The following CPED1 variants were observed in gnomAD, a reference collection of about 807,000 sequenced individuals.
CPED1 encodes the protein cadherin-like and PC-esterase domain-containing protein 1.
A neutral mutation model predicts 128.2 loss-of-function variants in CPED1; 114 were observed. The ratio of observed to expected loss-of-function variants is 0.89; its 90% confidence interval spans 0.76 to 1.04. The LOEUF is 1.04. Among genes scored for constraint, CPED1 ranks in the 50% least tolerant of loss-of-function variants. The pLI, the probability that CPED1 is intolerant of heterozygous loss-of-function variation, is 0.00. For missense variants in CPED1, 1,211 were observed against 1,207.1 expected (o/e 1.00, Z -0.05); for synonymous variants, 462 against 426.7 (o/e 1.08, Z -1.02).
chr7:121,265,823 T>C (rs1173031290), intron 18 of CPED1, among the ~76,000 whole-genome samples: 1 of 150,558 alleles, frequency 6.6e-6, no homozygotes, highest in Non-Finnish European at 1.5e-5. Context: ...GCTACCTCTG[T>C]GAATTCTCTG....
chr7:121,044,868 C>T (rs973178034), intron 3 of CPED1, among the ~76,000 whole-genome samples: 1 of 151,964 alleles, frequency 6.6e-6, no homozygotes, highest in African/African-American at 2.4e-5. Context: ...GAATATAAAA[C>T]TTACTCTGAG....
intron 16 of CPED1, among the ~76,000 whole-genome samples, chr7:121,212,233 C>T (rs143241375): frequency 3.2e-4 from 48 of 152,132 alleles, no homozygotes; most frequent in East Asian, 1.7e-3. Context: ...CAAAACCCAT[C>T]GTCAATCTGT....
intron 16 of CPED1, among the ~76,000 whole-genome samples, chr7:121,150,221 C>T (rs973381593): frequency 3.3e-5 from 5 of 150,484 alleles, no homozygotes; most frequent in African/African-American, 1.2e-4. Context: ...TCTCCCCCAT[C>T]TAGTATTGTC....
intron 15 of CPED1, among the ~76,000 whole-genome samples, chr7:121,141,597 A>G (rs569965195): frequency 6.6e-6 from 1 of 152,162 alleles, no homozygotes; most frequent in Non-Finnish European, 1.5e-5. Context: ...CCGGGTTCCA[A>G]ACCCTGACTC....
rs1793678357 is a variant in CPED1 at position 121,061,751 on chromosome 7, A to G, written c.541-2487A>G. On this transcript the variant is annotated intron_variant, in intron 4 of 22. Transcript: ENST00000310396. The stretch of plus-strand genomic sequence containing the variant: ...TAATGATGCAAATCTTATACATTTT[A>G]TGATACGTGTAAAAGTAAAAATACG... Among the ~76,000 whole-genome samples the G allele has an allele frequency of 2.6e-5, 4 of 152,380 alleles. No individual in the cohort carries two copies. In the South Asian group the frequency reaches 6.2e-4, roughly 24 times the overall value.
intron 2 of CPED1, among the ~76,000 whole-genome samples, chr7:121,001,045 A>G (rs576711823): frequency 1.3e-5 from 2 of 152,156 alleles, no homozygotes; most frequent in African/African-American, 4.8e-5. Context: ...AGCACTGGGT[A>G]TATGTTACAT....
chr7:121,068,386 G>T (rs1377636386), intron 5 of CPED1, among the ~76,000 whole-genome samples: 1 of 151,886 alleles, frequency 6.6e-6, no homozygotes, highest in Non-Finnish European at 1.5e-5. Flanking sequence ...TTTCCCCATT[G>T]CTTGTTTTTG....
At chr7:121,101,638 T>C (rs1794852898) in intron 7 of CPED1, among the ~76,000 whole-genome samples, 1 of 152,158 alleles carries the variant, frequency 6.6e-6, no homozygotes, top group Non-Finnish European at 1.5e-5. Flanking sequence ...GAAAAATGTT[T>C]ATTTAGTTCA....
chr7:121,124,077 C>T (rs151101510), intron 7 of CPED1, among the ~76,000 whole-genome samples: 2 of 152,044 alleles, frequency 1.3e-5, no homozygotes, highest in African/African-American at 4.8e-5. Context: ...GCATTTTCCA[C>T]GATTAGATGC....
intron 16 of CPED1, among the ~76,000 whole-genome samples, chr7:121,161,867 G>C (rs1796419616): frequency 6.6e-6 from 1 of 152,164 alleles, no homozygotes; most frequent in Admixed American, 6.5e-5. Flanking sequence ...TAGCAGGATA[G>C]TAGCAGTTAT....
intron 3 of CPED1, among the ~76,000 whole-genome samples, chr7:121,031,342 T>C (rs1792726225): frequency 6.6e-6 from 1 of 152,132 alleles, no homozygotes; most frequent in South Asian, 2.1e-4. Context: ...GATGGAGTCT[T>C]GCTCTGTTGC....
intron 12 of CPED1, among the ~76,000 whole-genome samples, chr7:121,131,340 GT>G (rs1023895337): frequency 2.0e-5 from 3 of 151,936 alleles, no homozygotes; most frequent in African/African-American, 4.8e-5. Context: ...CCAGCAGAAG[GT>G]TTTGTTTATG....
At chr7:121,292,009 G>A (rs956804559) in intron 22 of CPED1, among the ~76,000 whole-genome samples, 1 of 152,040 alleles carries the variant, frequency 6.6e-6, no homozygotes, top group East Asian at 1.9e-4. Context: ...TTCTTGAAGA[G>A]TTTCTCTGTG....
intron 4 of CPED1, among the ~76,000 whole-genome samples, chr7:121,059,035 A>G (rs1039330964): frequency 2.6e-5 from 4 of 152,220 alleles, no homozygotes; most frequent in Non-Finnish European, 5.9e-5. Flanking sequence ...TAGTAACATG[A>G]ATTTAAAACC....
Position 120,995,939 on chromosome 7 carries a change from C to T in CPED1, c.249+6069C>T, listed in dbSNP as rs577796237. Among the ~76,000 whole-genome samples, 617 of 127,542 alleles carry T rather than the reference C, an allele frequency of 4.8e-3. 3 individuals carry two copies. Among genetic ancestry groups the T allele is most frequent in the African/African-American group, 0.019 (575 of 30,194 alleles). 83.7% of individuals were successfully genotyped at this position (127,542 alleles called of 152,430 possible). ...TCCTTCTCCTCCTCCTTCTCCTCCTCCTTCTTCTCCTCCTCCTCCTCCTCC... is the reference window on the plus strand; with the variant it reads ...TCCTTCTCCTCCTCCTTCTCCTCCTTCTTCTTCTCCTCCTCCTCCTCCTCC... On this transcript the variant is annotated intron_variant, in intron 2 of 22. Transcript: ENST00000310396.
chr7:121,024,015 GA>G (rs947338314), intron 3 of CPED1, among the ~76,000 whole-genome samples: 37 of 152,092 alleles, frequency 2.4e-4, no homozygotes, highest in African/African-American at 6.0e-4. Context: ...AAACTGGGGG[GA>G]AAAAAGGAAT....
intron 12 of CPED1, among the ~76,000 whole-genome samples, chr7:121,132,589 C>T (rs534140821): frequency 1.3e-5 from 2 of 152,016 alleles, no homozygotes; most frequent in Non-Finnish European, 2.9e-5. Flanking sequence ...TGAATCTGAA[C>T]AGAATGAAAA....
At chr7:121,024,310 C>A (rs1433729961) in intron 3 of CPED1, among the ~76,000 whole-genome samples, 1 of 152,058 alleles carries the variant, frequency 6.6e-6, no homozygotes. Context: ...AGAGTGACCT[C>A]CCCATTCTGA....
chr7:121,091,261 C>A (rs1435905071), intron 5 of CPED1, among the ~76,000 whole-genome samples: 1 of 151,956 alleles, frequency 6.6e-6, no homozygotes, highest in Non-Finnish European at 1.5e-5. Flanking sequence ...AGAAGTGAAA[C>A]AGAACAAGAA....
Sources: gnomAD v4.1 joint callset for allele counts (sites outside exome capture counted in the v4.1 genomes callset) on GRCh38, gnomAD v4.1.1 for gene constraint, MANE v1.5 for transcripts, NCBI Gene and HGNC (gene_info 2026-07-23, HGNC 2026-07-21) for gene names.